The following VPS8 variants were observed in gnomAD, a reference collection of about 807,000 sequenced individuals.
VPS8 encodes vacuolar protein sorting-associated protein 8 homolog.
In VPS8, 129 loss-of-function variants were observed where a neutral mutation model predicts 216.4. The observed-to-expected ratio is 0.60, with a 90% CI of 0.52 to 0.69. The LOEUF is 0.69. VPS8 is among the 30% of genes least tolerant of loss of function. The probability of loss-of-function intolerance (pLI) is 0.00; values close to 1 mark genes in which losing one functional copy is unlikely to be tolerated. For missense variants in VPS8, 1,531 were observed against 1,683.5 expected, an observed-to-expected ratio of 0.91 and a Z score of 1.59; for synonymous variants, 571 against 565.4, an observed-to-expected ratio of 1.01 and a Z score of -0.14.
At chr3:184,912,358 G>A (rs747092447) in intron 25 of VPS8, among the ~76,000 whole-genome samples, 9 of 152,298 alleles carry the variant, frequency 5.9e-5, no homozygotes, top group Non-Finnish European at 8.8e-5. Context: ...TCCAGTGCCT[G>A]TGAAGATCAG....
At chr3:184,906,158 G>C (rs1735453305) in intron 25 of VPS8, among the ~76,000 whole-genome samples, 1 of 152,062 alleles carries the variant, frequency 6.6e-6, no homozygotes. Context: ...TCATCCTAAA[G>C]TATTCTGTAA....
rs190189897 is a variant in VPS8 at position 184,906,434 on chromosome 3, G to A, written c.2146+5462G>A. On this transcript the variant is annotated intron_variant, in intron 25 of 47. Transcript: ENST00000625842. ...TGGATAGAGTGTTACATAGATATCC[G>A]TGTAGGGAAATTTAAGCTTTCCCTC... 2.8e-3 allele frequency among the ~76,000 whole-genome samples: 425 copies of A among 152,258 alleles called. 2 individuals are homozygous for A. The highest frequency in any genetic ancestry group is 1.0e-2 in the African/African-American group (414 of 41,548).
chr3:185,019,817 A>G (rs999203150), intron 45 of VPS8, among the ~76,000 whole-genome samples: 1 of 152,190 alleles, frequency 6.6e-6, no homozygotes, highest in African/African-American at 2.4e-5. Flanking sequence ...AATTCCTGGT[A>G]TGGACTAGTC....
chr3:184,926,072 G>C (rs1298844859), intron 30 of VPS8, among the ~76,000 whole-genome samples: 1 of 149,056 alleles, frequency 6.7e-6, no homozygotes, highest in East Asian at 2.1e-4. Flanking sequence ...ACTGCGCCTA[G>C]CCTCTTAGAG....
intron 21 of VPS8, among the ~76,000 whole-genome samples, chr3:184,884,944 C>T (rs1730939162): frequency 1.3e-5 from 2 of 152,280 alleles, no homozygotes; most frequent in South Asian, 4.1e-4. Context: ...CCACCAACTC[C>T]CCATTACCTA....
At position 184,936,267 on chromosome 3, in the gene VPS8, T is replaced by C. The variant is rs768578913; in HGVS notation, c.2920T>C (p.Cys974Arg). 6.2e-6 allele frequency: 10 copies of C among 1,610,582 alleles called. No homozygotes were observed. The South Asian group carries it at 1.1e-4, about 18-fold the overall frequency. The part of the protein sequence containing the change: ...HIEELVSLKP[C>R]KAAELVATHF... Reference sequence around the variant, plus strand: ...CCAGGAACTCGTGTCCCTGAAGCCTTGTAAAGCTGCGGAGCTGGTTGCCAC... The same window carrying C: ...CCAGGAACTCGTGTCCCTGAAGCCTCGTAAAGCTGCGGAGCTGGTTGCCAC... Residue 974 changes from cysteine to arginine, a missense_variant, in exon 35 of 48, where the codon TGT becomes CGT. Around this residue, in one of 3 missense-constraint regions of VPS8, gnomAD observed 1,318 missense variants for 1,468.4 expected, o/e 0.90. Coordinates refer to ENST00000625842, the MANE Select transcript of VPS8 (RefSeq NM_001009921.3).
chr3:184,898,487 C>T (rs1297562216), intron 23 of VPS8, 78 bp from the exon 24 acceptor site: 2 of 1,126,554 alleles, frequency 1.8e-6, no homozygotes, highest in Non-Finnish European at 1.3e-6. Context: ...GCATTCAAGA[C>T]CTTTCCCATT....
intron 1 of VPS8, among the ~76,000 whole-genome samples, chr3:184,816,786 G>C (rs975057213): frequency 3.9e-5 from 6 of 152,154 alleles, no homozygotes; most frequent in African/African-American, 1.4e-4. Flanking sequence ...GACGTGAACT[G>C]CTTGGGTGTG....
At chr3:184,976,719 G>T (rs1749325969) in intron 40 of VPS8, among the ~76,000 whole-genome samples, 2 of 152,102 alleles carry the variant, frequency 1.3e-5, no homozygotes, top group Non-Finnish European at 2.9e-5. Context: ...CGTGGTATTT[G>T]GTTTTCAGTT....
At chr3:184,903,263 A>G (rs1488157761) in intron 25 of VPS8, among the ~76,000 whole-genome samples, 1 of 152,160 alleles carries the variant, frequency 6.6e-6, no homozygotes, top group East Asian at 1.9e-4. Context: ...TGGTTTATCT[A>G]GTACAGATTC....
intron 45 of VPS8, among the ~76,000 whole-genome samples, chr3:185,000,364 A>G (rs1424133186): frequency 6.6e-6 from 1 of 152,172 alleles, no homozygotes; most frequent in Non-Finnish European, 1.5e-5. Context: ...ACAGTGGAGC[A>G]GAGTTTGAAC....
At chr3:184,816,190 A>G (rs935456071) in intron 1 of VPS8, 1 of 152,202 alleles carries the variant, frequency 6.6e-6, no homozygotes, top group Non-Finnish European at 1.5e-5. Flanking sequence ...TCACACACAT[A>G]TTGATATAAA....
chr3:185,027,235 CTTTT>C (rs893256183), intron 46 of VPS8, among the ~76,000 whole-genome samples: 3 of 87,758 alleles, frequency 3.4e-5, no homozygotes, highest in African/African-American at 9.4e-5. Flanking sequence ...TTTTTATGTT[CTTTT>C]TTTTTTTTTT....
intron 25 of VPS8, among the ~76,000 whole-genome samples, chr3:184,908,990 A>C (rs1263583294): frequency 6.6e-6 from 1 of 152,202 alleles, no homozygotes; most frequent in East Asian, 1.9e-4. Context: ...TTCTCACTCC[A>C]AGTTGCAGGT....
intron 40 of VPS8, among the ~76,000 whole-genome samples, chr3:184,979,355 G>C (rs184753027): frequency 1.3e-5 from 2 of 152,106 alleles, no homozygotes; most frequent in African/African-American, 4.8e-5. Flanking sequence ...GAGTATCTTT[G>C]CTAGTTTTCT....
intron 1 of VPS8, among the ~76,000 whole-genome samples, chr3:184,816,905 T>A (rs965241826): frequency 3.9e-5 from 6 of 152,110 alleles, no homozygotes; most frequent in African/African-American, 1.2e-4. Context: ...TGAATCATGA[T>A]TCATAGAATC....
chr3:185,017,011 CTAGT>C (rs1411522739), intron 45 of VPS8, among the ~76,000 whole-genome samples: 1 of 151,892 alleles, frequency 6.6e-6, no homozygotes, highest in African/African-American at 2.4e-5. Flanking sequence ...AAATTTTTTC[CTAGT>C]CTCATACCAA....
In VPS8 at chr3:184,896,786, G is replaced by A. The variant is rs180711655; in HGVS notation, c.2005-1779G>A. Among the ~76,000 whole-genome samples the A allele has an allele frequency of 1.3e-4, 20 of 152,266 alleles. No individual in the cohort carries two copies. The South Asian group carries it at 1.5e-3, about 11-fold the overall frequency. Reference sequence around the variant, plus strand: ...GAACAGATTAATGTACAAAAATCCAGAAAGTATTTCAATACAAGTATTATG... The same window carrying A: ...GAACAGATTAATGTACAAAAATCCAAAAAGTATTTCAATACAAGTATTATG... On this transcript the variant is annotated intron_variant, in intron 23 of 47. Transcript: ENST00000625842.
At chr3:184,943,018 G>A (rs927662015) in intron 36 of VPS8, among the ~76,000 whole-genome samples, 1 of 152,074 alleles carries the variant, frequency 6.6e-6, no homozygotes, top group Non-Finnish European at 1.5e-5. Flanking sequence ...TCTGTTTTTG[G>A]TATCCTTTGA....
Sources: allele counts gnomAD v4.1 joint callset (sites outside exome capture counted in the v4.1 genomes callset), GRCh38; gene constraint gnomAD v4.1.1; regional missense constraint gnomAD v4.1.1; transcripts MANE v1.5; gene names NCBI Gene and HGNC (gene_info 2026-07-23, HGNC 2026-07-21).